NUDT5: variants seen among roughly 807,000 people sequenced by gnomAD.
NUDT5 encodes ADP-sugar pyrophosphatase.
In NUDT5, 21 loss-of-function variants were observed where a neutral mutation model predicts 34.1. The observed-to-expected ratio is 0.62, with a 90% CI of 0.44 to 0.89. The LOEUF (loss-of-function observed/expected upper bound fraction) is 0.89. Ranked by LOEUF, NUDT5 falls within the 40% of genes least tolerant of loss-of-function variation. The probability of loss-of-function intolerance (pLI) is 0.00; values close to 1 mark genes in which losing one functional copy is unlikely to be tolerated. For missense variants in NUDT5, 249 were observed against 274.8 expected (o/e 0.91, Z 0.66); for synonymous variants, 85 against 97.6 (o/e 0.87, Z 0.76).
intron 1 of NUDT5, among the ~76,000 whole-genome samples, chr10:12,186,618 CTT>C (rs201888699): frequency 9.6e-4 from 115 of 120,366 alleles, no homozygotes; most frequent in Non-Finnish European, 1.6e-3. Flanking sequence ...TCAGATTTTT[CTT>C]TTTTTTTTTT....
chr10:12,185,572 C>T (rs888717859), intron 2 of NUDT5, among the ~76,000 whole-genome samples: 3 of 152,312 alleles, frequency 2.0e-5, no homozygotes, highest in Admixed American at 6.5e-5. Context: ...GAGAGGAAAG[C>T]GTCACTGCGT....
rs1215100229 is a variant in NUDT5 at position 12,172,837 on chromosome 10, A to G, written c.415T>C (p.Cys139Arg). The G allele has an allele frequency of 6.2e-7, 1 of 1,613,810 alleles. No homozygotes were observed. Residue 139 changes from cysteine to arginine, a missense_variant, in exon 7 of 10, where the codon TGT becomes CGT. Transcript: ENST00000491614. ...GTGACTGTCACGATGTGTATAGTACAGTTTGACAAGCCTGGGTCCATACAG... is the reference window on the plus strand; with the variant it reads ...GTGACTGTCACGATGTGTATAGTACGGTTTGACAAGCCTGGGTCCATACAG... ...AVCMDPGLSN[C>R]TIHIVTVTIN... is the part of the protein sequence containing the mutation.
chr10:12,184,591 TTC>T, intron 3 of NUDT5: 1 of 1,421,094 alleles, frequency 7.0e-7, no homozygotes, highest in Non-Finnish European at 9.6e-7. Flanking sequence ...CTGTTAATTA[TTC>T]TGTCACCTTA....
In NUDT5 at chr10:12,169,379, C is replaced by G. The variant is rs140465352; in HGVS notation, c.550+1338G>C. 396 of 1,238,654 alleles carry G rather than the reference C, an allele frequency of 3.2e-4. 1 individual carries two copies. The African/African-American group carries it at 5.2e-3, about 16-fold the overall frequency. The allele number at this position is 1,238,654 out of a possible 1,614,324, so 76.7% of individuals were successfully genotyped here. A position where few individuals can be genotyped will look rare whatever the true frequency, so the allele number is the denominator to read the frequency against. On this transcript the variant is annotated intron_variant, in intron 9 of 9. Transcript: ENST00000491614. The surrounding 1 kb of genome is among the most constrained non-coding windows in gnomAD (Gnocchi z 4.8). ...CTTGCCTACGTCACCCTGCTTTCCA[C>G]GCACCTCCTCAGAGGGAGGGGCTGT...
intron 1 of NUDT5, among the ~76,000 whole-genome samples, chr10:12,194,810 G>C (rs1835301946): frequency 6.6e-6 from 1 of 152,204 alleles, no homozygotes. Context: ...TTTAGACGCA[G>C]ATGCCTCGCG....
chr10:12,189,405 C>T (rs10082550), intron 1 of NUDT5, among the ~76,000 whole-genome samples: 23,043 of 152,116 alleles, frequency 0.15, 1,912 homozygotes, highest in Middle Eastern at 0.24. Context: ...CGTGCCTGGC[C>T]GCTAAAAGAG....
chr10:12,182,775 C>T lies in NUDT5; in HGVS notation c.131+2114G>A, dbSNP rs1019055328. On this transcript the variant is annotated intron_variant, in intron 3 of 9. Coordinates refer to ENST00000491614, the MANE Select transcript of NUDT5 (RefSeq NM_014142.4). The surrounding 1 kb of genome is among the most constrained non-coding windows in gnomAD (Gnocchi z 4.3). ...TTTTTGAGATGGAGTCTCGCTCTGT[C>T]GCCCAGGCTGGAGTACAGTGGTGCA... Among the ~76,000 whole-genome samples, 5 of 152,152 alleles carry T rather than the reference C, an allele frequency of 3.3e-5. No individual in the cohort carries two copies. Among genetic ancestry groups the T allele is most frequent in the Admixed American group, 6.5e-5 (1 of 15,270 alleles).
In NUDT5 at chr10:12,165,938, A is replaced by AT. The variant is rs1343973171; in HGVS notation, c.*1763_*1764insA. On this transcript the variant is annotated 3_prime_UTR_variant, in exon 10 of 10. Coordinates refer to ENST00000491614, the MANE Select transcript of NUDT5 (RefSeq NM_014142.4). ...TTTTTTTTTCCCTTAAGAAGGTGGA[A>AT]ATATGGCTTTTAATACATAGGAAAC... The AT allele has an allele frequency of 6.6e-6, 1 of 152,360 alleles. No individual in the cohort carries two copies. Among genetic ancestry groups the AT allele is most frequent in the Admixed American group, 6.5e-5 (1 of 15,302 alleles). 9.4% of individuals were successfully genotyped at this position (152,360 alleles called of 1,614,324 possible).
In NUDT5 at chr10:12,184,897, AC is replaced by A; in HGVS notation, c.122del (p.Gly41ValfsTer9). On this transcript the variant is annotated frameshift_variant, in exon 3 of 10. Transcript: ENST00000491614. LOFTEE classifies it high-confidence loss of function. The stretch of plus-strand genomic sequence containing the variant: ...AAAAAAAAAAAGTTTACCTAGTTTT[AC>A]CAGTAGGATCCATGTACGTTGTTTT... ...LEKTTYMDPT[G>X]KTRTWESVKR... is the part of the protein sequence containing the mutation. The A allele has an allele frequency of 6.3e-7, 1 of 1,581,180 alleles. No individual in the cohort carries two copies. Among genetic ancestry groups the A allele is most frequent in the Admixed American group, 1.7e-5 (1 of 57,502 alleles).
At position 12,166,952 on chromosome 10, in the gene NUDT5, C is replaced by G; in HGVS notation, c.*750G>C. The G allele has an allele frequency of 4.0e-6, 1 of 247,888 alleles. No individual in the cohort carries two copies. The highest frequency in any genetic ancestry group is 8.4e-6 in the Non-Finnish European group (1 of 118,650). 15.4% of individuals were successfully genotyped at this position (247,888 alleles called of 1,614,324 possible). A position where few individuals can be genotyped will look rare whatever the true frequency, so the allele number is the denominator to read the frequency against. ...GTTTAACATCAAGATATTACTGCCC[C>G]AAACATGTCAGTCTTACAGATTTGT... On this transcript the variant is annotated 3_prime_UTR_variant, in exon 10 of 10. Transcript: ENST00000491614.
At chr10:12,177,958 C>T (rs1290164200) in intron 4 of NUDT5, 58 bp from the exon 5 acceptor site, 12 of 1,300,610 alleles carry the variant, frequency 9.2e-6, no homozygotes, top group African/African-American at 5.8e-5. Context: ...AATGCCAGCA[C>T]ATTGTTTAGA....
rs571251983 is a variant in NUDT5 at position 12,166,757 on chromosome 10, C to T, written c.*945G>A. 1 of 503,600 alleles carries T rather than the reference C, an allele frequency of 2.0e-6. No individual in the cohort carries two copies. The highest frequency in any genetic ancestry group is 4.1e-6 in the Non-Finnish European group (1 of 245,576). 31.2% of individuals were successfully genotyped at this position (503,600 alleles called of 1,614,324 possible). On this transcript the variant is annotated 3_prime_UTR_variant, in exon 10 of 10. Coordinates refer to ENST00000491614, the MANE Select transcript of NUDT5 (RefSeq NM_014142.4). ...CTGCTGGAGGCCCTAAAAGTCAACA[C>T]AAAAAGAGCTAAACTCACTCAAGAA...
At chr10:12,172,514 C>T in intron 7 of NUDT5, 1 of 541,388 alleles carries the variant, frequency 1.8e-6, no homozygotes, top group South Asian at 2.1e-5. Flanking sequence ...TGGGAATACA[C>T]TTCATATAGA....
chr10:12,176,529 G>A lies in NUDT5; in HGVS notation c.289+1264C>T, dbSNP rs547104108. 3.8e-4 allele frequency among the ~76,000 whole-genome samples: 57 copies of A among 151,544 alleles called. 1 individual carries two copies. The South Asian group carries it at 8.8e-3, about 23-fold the overall frequency. On this transcript the variant is annotated intron_variant, in intron 5 of 9. Transcript: ENST00000491614. ...TGAGGCAGGAGAATCACTTGAACCC[G>A]GGAGGTGGAGGCTGCAGTGAGCTGA...
At chr10:12,183,016 C>T (rs1031132271) in intron 3 of NUDT5, among the ~76,000 whole-genome samples, 1 of 152,202 alleles carries the variant, frequency 6.6e-6, no homozygotes, top group Non-Finnish European at 1.5e-5. Context: ...GGATTACAGG[C>T]GTGAGCCACT....
intron 3 of NUDT5, among the ~76,000 whole-genome samples, chr10:12,183,560 T>C (rs1055144638): frequency 6.6e-6 from 1 of 152,242 alleles, no homozygotes; most frequent in Admixed American, 6.5e-5. Context: ...GTTCTCATAC[T>C]GATGAATTTT....
chr10:12,185,467 A>G (rs1486094185), intron 2 of NUDT5, among the ~76,000 whole-genome samples: 1 of 152,172 alleles, frequency 6.6e-6, no homozygotes, highest in African/African-American at 2.4e-5. Context: ...TGGGTTTCCC[A>G]CCCAACCACA....
intron 3 of NUDT5, among the ~76,000 whole-genome samples, chr10:12,183,678 A>G (rs993423329): frequency 1.3e-5 from 2 of 152,224 alleles, no homozygotes; most frequent in African/African-American, 4.8e-5. Flanking sequence ...ATAGTTTATA[A>G]TATCAAAAGA....
chr10:12,173,787 C>A lies in NUDT5; in HGVS notation c.316G>T (p.Glu106Ter), dbSNP rs1588655813. 1.2e-6 allele frequency: 2 copies of A among 1,613,822 alleles called. No individual in the cohort carries two copies. Among genetic ancestry groups the A allele is most frequent in the East Asian group, 4.5e-5 (2 of 44,868 alleles). Residue 106 changes from glutamate to a stop codon, truncating the protein, a stop_gained, in exon 6 of 10, where the codon GAA becomes TAA. Transcript: ENST00000491614. LOFTEE classifies it high-confidence loss of function. The surrounding 1 kb of genome is among the most constrained non-coding windows in gnomAD (Gnocchi z 4.7). ...AGLIDDGETP[E>*]AAALRELEEE... ...TCAAGCTCCCGGAGAGCAGCTGCTTCTGGGGTTTCACCATCATCTATGAGA... is the reference window on the plus strand; with the variant it reads ...TCAAGCTCCCGGAGAGCAGCTGCTTATGGGGTTTCACCATCATCTATGAGA...
Sources: allele counts gnomAD v4.1 joint callset (sites outside exome capture counted in the v4.1 genomes callset), GRCh38; gene constraint gnomAD v4.1.1; non-coding constraint Gnocchi (gnomAD v3.1); transcripts MANE v1.5; gene names NCBI Gene and HGNC (gene_info 2026-07-23, HGNC 2026-07-21).